TNKS: variants seen among roughly 807,000 people sequenced by gnomAD.
TNKS encodes the protein poly [ADP-ribose] polymerase tankyrase-1.
In TNKS, 72 loss-of-function variants were observed where a neutral mutation model predicts 135.8. That is an observed-to-expected ratio of 0.53 (90% CI 0.44 to 0.64). The LOEUF is 0.64. TNKS is among the 30% of genes least tolerant of loss of function. The probability of loss-of-function intolerance (pLI) is 0.00; values close to 1 mark genes in which losing one functional copy is unlikely to be tolerated. For synonymous variants in TNKS, 849 were observed against 649.3 expected (o/e 1.31, Z -4.68); for missense variants, 1,769 against 1,674.0 (o/e 1.06, Z -0.99).
At chr8:9,639,837 A>C (rs1015418800) in intron 3 of TNKS, among the ~76,000 whole-genome samples, 1 of 152,170 alleles carries the variant, frequency 6.6e-6, no homozygotes, top group Non-Finnish European at 1.5e-5. Context: ...AGACTCTTTC[A>C]TTCACTTTCC....
chr8:9,755,567 T>C (rs1806793253), intron 20 of TNKS, among the ~76,000 whole-genome samples: 1 of 152,248 alleles, frequency 6.6e-6, no homozygotes, highest in Admixed American at 6.5e-5. Context: ...ATAAATTTGA[T>C]AACCTTTTCC....
At chr8:9,686,893 T>C (rs758765437) in intron 5 of TNKS, among the ~76,000 whole-genome samples, 17 of 152,270 alleles carry the variant, frequency 1.1e-4, no homozygotes, top group Middle Eastern at 3.4e-3. Context: ...ATTTGGGCCA[T>C]GTGAGCTCTA....
intron 3 of TNKS, among the ~76,000 whole-genome samples, chr8:9,643,003 A>G (rs1223450242): frequency 1.4e-5 from 2 of 146,360 alleles, no homozygotes; most frequent in African/African-American, 2.5e-5. Flanking sequence ...AGTCAGTGGA[A>G]GGAAAACCCT....
At chr8:9,617,984 GTTT>G (rs33956228) in intron 3 of TNKS, among the ~76,000 whole-genome samples, 23 of 93,996 alleles carry the variant, frequency 2.4e-4, no homozygotes, top group Admixed American at 3.4e-4. Flanking sequence ...CTCTTTTTTG[GTTT>G]TTTTTTTTTT....
Position 9,781,395 on chromosome 8 carries a change from C to G in TNKS, c.*4659C>G, listed in dbSNP as rs1199330231. The G allele has an allele frequency of 6.6e-6, 1 of 152,274 alleles. No individual in the cohort carries two copies. The highest frequency in any genetic ancestry group is 1.9e-4 in the East Asian group (1 of 5,180). The allele number at this position is 152,274 out of a possible 1,614,324, so 9.4% of individuals were successfully genotyped here. On this transcript the variant is annotated 3_prime_UTR_variant, in exon 27 of 27. Coordinates refer to ENST00000310430, the MANE Select transcript of TNKS (RefSeq NM_003747.3). ...GTTGAACCCTGGTAGTGGGGTGTCC[C>G]TCACACACCCGCGCACCCCTCCCAA...
chr8:9,735,239 C>T lies in TNKS; in HGVS notation c.2534-138C>T, dbSNP rs565486355. On this transcript the variant is annotated intron_variant, in intron 16 of 26. Coordinates refer to ENST00000310430, the MANE Select transcript of TNKS (RefSeq NM_003747.3). ...TGTATAATTTCTTATTGTGAAGTCC[C>T]TCCATTATGTGATAACAGTATTAGC... 4 of 1,071,070 alleles carry T rather than the reference C, an allele frequency of 3.7e-6. No individual in the cohort carries two copies. The Admixed American group carries it at 8.1e-5, about 22-fold the overall frequency. The allele number at this position is 1,071,070 out of a possible 1,614,324, so 66.3% of individuals were successfully genotyped here.
At chr8:9,595,955 T>A (rs1032160226) in intron 2 of TNKS, among the ~76,000 whole-genome samples, 1 of 151,932 alleles carries the variant, frequency 6.6e-6, no homozygotes, top group African/African-American at 2.4e-5. Context: ...CTACAAAAAA[T>A]TTAAAAATTA....
At position 9,780,791 on chromosome 8, in the gene TNKS, T is replaced by G. The variant is rs1808427689; in HGVS notation, c.*4055T>G. 6.6e-6 allele frequency: 1 copy of G among 152,210 alleles called. No homozygotes were observed. Among genetic ancestry groups the G allele is most frequent in the African/African-American group, 2.4e-5 (1 of 41,452 alleles). 9.4% of individuals were successfully genotyped at this position (152,210 alleles called of 1,614,324 possible). ...ACCTGTTCATCTTATTTTATGATGG[T>G]ATATTTCATAAGTAATATTCCCTTA... On this transcript the variant is annotated 3_prime_UTR_variant, in exon 27 of 27. Transcript: ENST00000310430.
At chr8:9,737,028 C>T (rs1253032291) in intron 17 of TNKS, among the ~76,000 whole-genome samples, 1 of 3,304 alleles carries the variant, frequency 3.0e-4, no homozygotes, top group Non-Finnish European at 5.1e-4. Flanking sequence ...TCCTTCCTAC[C>T]CATGAGCATG....
chr8:9,660,605 C>T (rs1162443292), intron 3 of TNKS, among the ~76,000 whole-genome samples: 4 of 152,154 alleles, frequency 2.6e-5, no homozygotes, highest in African/African-American at 7.2e-5. Context: ...TAAGAGCTAT[C>T]TATGACAAAC....
chr8:9,779,684 AAGG>A lies in TNKS; in HGVS notation c.*2951_*2953del, dbSNP rs1721441216. ...TTTCTCCTCATCTTGGGTCTTAAAA[AAGG>A]AGACCAGATACCTCCTAGCTTTTGT... On this transcript the variant is annotated 3_prime_UTR_variant, in exon 27 of 27. Coordinates refer to ENST00000310430, the MANE Select transcript of TNKS (RefSeq NM_003747.3). The A allele has an allele frequency of 6.6e-6, 1 of 152,222 alleles. No homozygotes were observed. The highest frequency in any genetic ancestry group is 2.4e-5 in the African/African-American group (1 of 41,454). 9.4% of individuals were successfully genotyped at this position (152,222 alleles called of 1,614,324 possible).
intron 2 of TNKS, among the ~76,000 whole-genome samples, chr8:9,598,951 C>T (rs949979666): frequency 6.6e-6 from 1 of 151,316 alleles, no homozygotes; most frequent in African/African-American, 2.4e-5. Flanking sequence ...TGAAGTGTTT[C>T]TCATGTTTAT....
intron 1 of TNKS, 37 bp downstream of exon 1, chr8:9,556,649 G>C (rs34790717): frequency 0.25 from 409,780 of 1,609,434 alleles, 54,520 homozygotes; most frequent in East Asian, 0.41. Context: ...AGGGTTATGG[G>C]TTTGGGTGCA....
At chr8:9,664,487 A>T (rs755015175) in intron 3 of TNKS, among the ~76,000 whole-genome samples, 1 of 152,220 alleles carries the variant, frequency 6.6e-6, no homozygotes, top group South Asian at 2.1e-4. Flanking sequence ...TTCAACATAC[A>T]TTTGGAAGGC....
chr8:9,688,510 C>T (rs1434649374), intron 5 of TNKS, among the ~76,000 whole-genome samples: 1 of 152,220 alleles, frequency 6.6e-6, no homozygotes, highest in Non-Finnish European at 1.5e-5. Context: ...GCTAGGATTG[C>T]CATACCATTG....
intron 1 of TNKS, among the ~76,000 whole-genome samples, chr8:9,569,592 G>A: frequency 6.6e-6 from 1 of 152,128 alleles, no homozygotes; most frequent in East Asian, 1.9e-4. Context: ...TTGAGTATTT[G>A]GGTGGTTTTT....
At position 9,670,449 on chromosome 8, in the gene TNKS, C is replaced by T. The variant is rs977230453; in HGVS notation, c.995-9502C>T. 2.0e-5 allele frequency among the ~76,000 whole-genome samples: 3 copies of T among 152,248 alleles called. No homozygotes were observed. The South Asian group carries it at 6.2e-4, about 32-fold the overall frequency. ...CAGCTGTTTATATTAATTTTCTTAT[C>T]TGAATATATTTAATCCCATCCCTAA... is the stretch of plus-strand genomic sequence containing the variant. On this transcript the variant is annotated intron_variant, in intron 3 of 26. Coordinates refer to ENST00000310430, the MANE Select transcript of TNKS (RefSeq NM_003747.3).
chr8:9,603,211 C>G (rs958504205), intron 2 of TNKS, among the ~76,000 whole-genome samples: 1 of 152,106 alleles, frequency 6.6e-6, no homozygotes, highest in Non-Finnish European at 1.5e-5. Flanking sequence ...CGCCACCACA[C>G]CCAGCTACTT....
Position 9,770,129 on chromosome 8 carries a change from C to A in TNKS, c.3764C>A (p.Thr1255Asn). 6.2e-7 allele frequency: 1 copy of A among 1,613,008 alleles called. No individual in the cohort carries two copies. The highest frequency in any genetic ancestry group is 8.5e-7 in the Non-Finnish European group (1 of 1,179,814). Residue 1255 changes from threonine to asparagine, a missense_variant, in exon 26 of 27, where the codon ACC becomes AAC. By Grantham distance (65) the Thr-to-Asn change is moderately conservative. This residue lies in a region of TNKS where 722 missense variants were observed against 688.9 expected (regional missense o/e 1.05). Coordinates refer to ENST00000310430, the MANE Select transcript of TNKS (RefSeq NM_003747.3). ...CHRQMLFCRV[T>N]LGKSFLQFST... is the part of the protein sequence containing the mutation. Reference sequence around the variant, plus strand: ...AGACAAATGCTCTTCTGTAGAGTGACCCTTGGGAAATCCTTTCTGCAGTTT... The same window carrying A: ...AGACAAATGCTCTTCTGTAGAGTGAACCTTGGGAAATCCTTTCTGCAGTTT...
Sources: allele counts gnomAD v4.1 joint callset (sites outside exome capture counted in the v4.1 genomes callset), GRCh38; gene constraint gnomAD v4.1.1; regional missense constraint gnomAD v4.1.1; transcripts MANE v1.5; gene names NCBI Gene and HGNC (gene_info 2026-07-23, HGNC 2026-07-21).